ANKMY1: variants seen among roughly 807,000 people sequenced by gnomAD.
ANKMY1 encodes ankyrin repeat and MYND domain-containing protein 1.
ANKMY1 carries 98 observed loss-of-function variants against 102.0 expected under a neutral mutation model. The ratio of observed to expected loss-of-function variants is 0.96; its 90% CI spans 0.82 to 1.14. The LOEUF is 1.14. ANKMY1 is among the 50% of genes most tolerant of loss of function. ANKMY1 has a pLI of 0.00. For missense variants in ANKMY1, 1,330 were observed against 1,347.6 expected (o/e 0.99, Z 0.20); for synonymous variants, 582 against 559.9 (o/e 1.04, Z -0.56).
chr2:240,555,768 C>T (rs756018204), intron 2 of ANKMY1, among the ~76,000 whole-genome samples: 26 of 151,854 alleles, frequency 1.7e-4, no homozygotes, highest in Non-Finnish European at 2.9e-4. Flanking sequence ...AGGCGTGGTG[C>T]CTCAGACCTC....
At chr2:240,521,050 CTG>C (rs1376767600) in intron 8 of ANKMY1, among the ~76,000 whole-genome samples, 2 of 152,130 alleles carry the variant, frequency 1.3e-5, no homozygotes, top group African/African-American at 4.8e-5. Context: ...CAGGAGTAAA[CTG>C]TGCCTCCAGA....
chr2:240,556,729 T>C (rs1025377889), intron 2 of ANKMY1, among the ~76,000 whole-genome samples: 1 of 152,162 alleles, frequency 6.6e-6, no homozygotes, highest in South Asian at 2.1e-4. Context: ...ACGGGTGGTG[T>C]TGAGGCTGGT....
chr2:240,492,618 GT>G (rs368572311), intron 15 of ANKMY1, among the ~76,000 whole-genome samples: 1 of 151,942 alleles, frequency 6.6e-6, no homozygotes, highest in Non-Finnish European at 1.5e-5. Context: ...ATCCTGAATT[GT>G]TTTTCTAATT....
chr2:240,486,374 AAATT>A (rs1362831198), intron 15 of ANKMY1, among the ~76,000 whole-genome samples: 2 of 152,254 alleles, frequency 1.3e-5, no homozygotes, highest in African/African-American at 4.8e-5. Context: ...GCTTACATAT[AAATT>A]ATTTTTAAAT....
In ANKMY1 at chr2:240,500,174, G is replaced by T. The variant is rs1310092154; in HGVS notation, c.2641-51C>A. On this transcript the variant is annotated intron_variant, in intron 14 of 17. Coordinates refer to ENST00000401804, the MANE Select transcript of ANKMY1 (RefSeq NM_001282771.3). ...CAGGGTCCCGGGCCCGCCCCTCACT[G>T]CTGGGGTGACTCTCGGTGATCGAGG... is the stretch of plus-strand genomic sequence containing the variant. 11 of 1,511,646 alleles carry T rather than the reference G, an allele frequency of 7.3e-6. No homozygotes were observed. The highest frequency in any genetic ancestry group is 1.2e-5 in the South Asian group (1 of 80,826). 93.6% of individuals were successfully genotyped at this position (1,511,646 alleles called of 1,614,324 possible).
chr2:240,561,043 G>A (rs537091038), upstream of ANKMY1: 26 of 1,516,990 alleles, frequency 1.7e-5, 1 homozygote, highest in Middle Eastern at 4.7e-4. Context: ...TACCTCATGC[G>A]GCACCGCGGC....
At chr2:240,490,120 C>T (rs558259721) in intron 15 of ANKMY1, among the ~76,000 whole-genome samples, 14 of 151,766 alleles carry the variant, frequency 9.2e-5, no homozygotes, top group African/African-American at 3.1e-4. Flanking sequence ...ATTTTATTTA[C>T]AGAGATTCAT....
chr2:240,531,983 C>T (rs2085503022), intron 4 of ANKMY1: 1 of 251,252 alleles, frequency 4.0e-6, no homozygotes, highest in Non-Finnish European at 8.9e-6. Context: ...ATGGAAGACA[C>T]AGAAATGAGA....
downstream of ANKMY1, among the ~76,000 whole-genome samples, chr2:240,479,176 G>A (rs1332939185): frequency 6.6e-6 from 1 of 152,248 alleles, no homozygotes; most frequent in Non-Finnish European, 1.5e-5. Context: ...CACCTGAGCA[G>A]GGAGTGGAGC....
chr2:240,504,461 T>C (rs112875526), intron 13 of ANKMY1, among the ~76,000 whole-genome samples: 5,476 of 152,058 alleles, frequency 0.036, 141 homozygotes, highest in South Asian at 0.081. Context: ...AAAGAAAAAA[T>C]AGACAAGCTG....
intron 15 of ANKMY1, among the ~76,000 whole-genome samples, chr2:240,489,893 G>C (rs1490339160): frequency 6.6e-6 from 1 of 152,056 alleles, no homozygotes; most frequent in African/African-American, 2.4e-5. Context: ...TCTGGTCTTG[G>C]GCTTTTCCTT....
At chr2:240,489,221 C>T (rs749508396) in intron 15 of ANKMY1, among the ~76,000 whole-genome samples, 35 of 151,992 alleles carry the variant, frequency 2.3e-4, no homozygotes, top group Non-Finnish European at 4.4e-4. Flanking sequence ...TGGGAGGCCA[C>T]GGCAGGCAGA....
At chr2:240,548,585 C>T (rs2090902022) in intron 4 of ANKMY1, among the ~76,000 whole-genome samples, 1 of 151,930 alleles carries the variant, frequency 6.6e-6, no homozygotes, top group African/African-American at 2.4e-5. Context: ...TCCCTGTTTG[C>T]AGACGACATG....
At chr2:240,528,135 A>T (rs554251344) in intron 5 of ANKMY1, among the ~76,000 whole-genome samples, 3 of 152,200 alleles carry the variant, frequency 2.0e-5, no homozygotes, top group South Asian at 2.1e-4. Flanking sequence ...AAAAATACAA[A>T]AATTAGCTGG....
chr2:240,482,392 C>G (rs905941059), intron 15 of ANKMY1, 131 bp from the exon 16 acceptor site: 1 of 747,106 alleles, frequency 1.3e-6, no homozygotes, highest in South Asian at 2.0e-5. Context: ...GGGAAGCAAG[C>G]CTTTGATGGC....
intron 15 of ANKMY1, among the ~76,000 whole-genome samples, chr2:240,488,615 T>C (rs2151909712): frequency 6.6e-6 from 1 of 152,366 alleles, no homozygotes; most frequent in Middle Eastern, 3.4e-3. Context: ...GGGATGTCTT[T>C]CCATTTTTTT....
At chr2:240,525,948 G>A in intron 6 of ANKMY1, 99 bp from the exon 7 acceptor site, 1 of 1,410,370 alleles carries the variant, frequency 7.1e-7, no homozygotes, top group Non-Finnish European at 9.8e-7. Flanking sequence ...CCACCCTATG[G>A]CAGGGCAGGA....
chr2:240,526,963 T>G (rs1296141668), intron 5 of ANKMY1: 1 of 1,044,914 alleles, frequency 9.6e-7, no homozygotes, highest in Non-Finnish European at 1.2e-6. Flanking sequence ...CTGTGCATTA[T>G]AGATGCTTCT....
intron 4 of ANKMY1, among the ~76,000 whole-genome samples, chr2:240,532,446 G>A (rs1047531147): frequency 6.6e-6 from 1 of 152,096 alleles, no homozygotes; most frequent in African/African-American, 2.4e-5. Context: ...GACACTTTGG[G>A]GAAGGCAATT....
Sources: gnomAD v4.1 joint callset for allele counts (sites outside exome capture counted in the v4.1 genomes callset) on GRCh38, gnomAD v4.1.1 for gene constraint, MANE v1.5 for transcripts, NCBI Gene and HGNC (gene_info 2026-07-23, HGNC 2026-07-21) for gene names.